PEX5L: variants seen among roughly 807,000 people sequenced by gnomAD.
PEX5L encodes the protein peroxisomal biogenesis factor 5 like, also known as PEX5-related protein.
Under a neutral mutation model 84.0 loss-of-function variants are expected in PEX5L, and 30 were observed. That is an observed-to-expected ratio of 0.36 (90% CI 0.27 to 0.48). The LOEUF is 0.48. Among genes scored for constraint, PEX5L ranks in the 20% least tolerant of loss-of-function variants. The pLI, the probability that PEX5L is intolerant of heterozygous loss-of-function variation, is 0.99. For missense variants in PEX5L, 533 were observed against 754.6 expected, an observed-to-expected ratio of 0.71 and a Z score of 3.44; for synonymous variants, 270 against 283.1, an observed-to-expected ratio of 0.95 and a Z score of 0.46.
intron 8 of PEX5L, among the ~76,000 whole-genome samples, chr3:179,837,231 GAACAAGTCTCATT>G (rs1285206275): frequency 5.9e-5 from 9 of 152,136 alleles, no homozygotes; most frequent in African/African-American, 2.2e-4. Flanking sequence ...AAATTTCAGG[GAACAAGTCTCATT>G]CCTTATATGT....
At chr3:179,887,956 TG>T (rs1756425916) in intron 3 of PEX5L, among the ~76,000 whole-genome samples, 172 bp from the exon 4 acceptor site, 1 of 152,154 alleles carries the variant, frequency 6.6e-6, no homozygotes, top group Non-Finnish European at 1.5e-5. Context: ...AGGTGGGGAA[TG>T]AGCCTTTTAG....
At chr3:180,011,279 A>G (rs191433718) in intron 1 of PEX5L, among the ~76,000 whole-genome samples, 2 of 152,362 alleles carry the variant, frequency 1.3e-5, no homozygotes, top group South Asian at 2.1e-4. Flanking sequence ...AAGTTCCTTC[A>G]TATCTTTTTG....
At chr3:179,891,537 G>A (rs2108897493) in intron 3 of PEX5L, among the ~76,000 whole-genome samples, 1 of 152,250 alleles carries the variant, frequency 6.6e-6, no homozygotes, top group South Asian at 2.1e-4. Flanking sequence ...AAGCTCTGAA[G>A]CCAGAGAATA....
chr3:179,811,665 T>C (rs1169078463), intron 11 of PEX5L, 136 bp downstream of exon 11: 1 of 699,502 alleles, frequency 1.4e-6, no homozygotes, highest in African/African-American at 1.7e-5. Flanking sequence ...GTGTGAGTGA[T>C]ATGCGGTATC....
intron 1 of PEX5L, among the ~76,000 whole-genome samples, chr3:180,012,304 C>T (rs993558580): frequency 3.9e-5 from 6 of 152,146 alleles, no homozygotes; most frequent in Non-Finnish European, 8.8e-5. Flanking sequence ...CGCTGTCTGT[C>T]AACCATGATC....
At chr3:179,948,481 G>C (rs569897324) in intron 2 of PEX5L, among the ~76,000 whole-genome samples, 9 of 152,226 alleles carry the variant, frequency 5.9e-5, no homozygotes, top group African/African-American at 2.2e-4. Flanking sequence ...GGCACTGACC[G>C]AGTTGTCATC....
chr3:179,996,187 G>A (rs1787874455), intron 1 of PEX5L, among the ~76,000 whole-genome samples: 1 of 152,134 alleles, frequency 6.6e-6, no homozygotes. Context: ...GCCCCAGCAG[G>A]GCCCTAGAGG....
chr3:179,852,877 A>T (rs1328697328), intron 8 of PEX5L, among the ~76,000 whole-genome samples: 1 of 152,210 alleles, frequency 6.6e-6, no homozygotes, highest in Admixed American at 6.5e-5. Context: ...TAGGGGGAAA[A>T]GTTCATCCTT....
chr3:179,804,752 T>C (rs80328705), intron 14 of PEX5L, among the ~76,000 whole-genome samples: 1 of 152,240 alleles, frequency 6.6e-6, no homozygotes, highest in Non-Finnish European at 1.5e-5. Context: ...TCTTTCTCTA[T>C]TGAGGGTTGT....
rs565215422 is a variant in PEX5L at position 179,797,017 on chromosome 3, T to TATC, written c.*4808_*4810dup. On this transcript the variant is annotated 3_prime_UTR_variant, in exon 15 of 15. Transcript: ENST00000467460. ...CCCAACCTCCTCGCCTTATTTAGAA[T>TATC]ATCAGTTTTTCTAATTTATTCCCAA... is the stretch of plus-strand genomic sequence containing the variant. 34 of 152,360 alleles carry TATC rather than the reference T, an allele frequency of 2.2e-4. No homozygotes were observed. Among genetic ancestry groups the TATC allele is most frequent in the African/African-American group, 7.0e-4 (29 of 41,596 alleles). 9.4% of individuals were successfully genotyped at this position (152,360 alleles called of 1,614,324 possible).
In PEX5L at chr3:180,021,653, A is replaced by C. The variant is rs554094628; in HGVS notation, c.21+14926T>G. Among the ~76,000 whole-genome samples the C allele has an allele frequency of 2.5e-3, 384 of 152,328 alleles. 2 individuals are homozygous for C. The highest frequency in any genetic ancestry group is 8.8e-3 in the African/African-American group (367 of 41,578). On this transcript the variant is annotated intron_variant, in intron 1 of 14. Coordinates refer to ENST00000467460, the MANE Select transcript of PEX5L (RefSeq NM_016559.3). Reference sequence around the variant, plus strand: ...TGGTGCTATTACACAATCCAGAAAAATAGGGGAAGAGGTAGGCCTTACGGA... The same window carrying C: ...TGGTGCTATTACACAATCCAGAAAACTAGGGGAAGAGGTAGGCCTTACGGA...
chr3:180,023,925 T>C (rs543686506), intron 1 of PEX5L, among the ~76,000 whole-genome samples: 2 of 148,594 alleles, frequency 1.3e-5, no homozygotes, highest in Admixed American at 6.6e-5. Flanking sequence ...GCCATGCCTA[T>C]GGTTGTGCAG....
At chr3:179,864,464 T>C (rs1227822526) in intron 7 of PEX5L, among the ~76,000 whole-genome samples, 2 of 152,088 alleles carry the variant, frequency 1.3e-5, no homozygotes, top group Non-Finnish European at 2.9e-5. Flanking sequence ...CTCACTTACA[T>C]GTGGAATCGA....
In PEX5L at chr3:180,034,641, G is replaced by A. The variant is rs116143029; in HGVS notation, c.21+1938C>T. 4.3e-3 allele frequency among the ~76,000 whole-genome samples: 649 copies of A among 152,196 alleles called. 11 individuals carry two copies. Among genetic ancestry groups the A allele is most frequent in the African/African-American group, 0.015 (613 of 41,524 alleles). On this transcript the variant is annotated intron_variant, in intron 1 of 14. Coordinates refer to ENST00000467460, the MANE Select transcript of PEX5L (RefSeq NM_016559.3). ...ACTAAACGTACCTACTAAGGCCTCG[G>A]AAGTTTTATGCTTAACATTAATGGT... is the stretch of plus-strand genomic sequence containing the variant.
chr3:179,828,244 C>A (rs572582843), intron 8 of PEX5L, among the ~76,000 whole-genome samples: 1 of 152,256 alleles, frequency 6.6e-6, no homozygotes, highest in East Asian at 1.9e-4. Context: ...CCCCTGGCAC[C>A]CACTGCAATA....
In PEX5L at chr3:179,837,128, G is replaced by A. The variant is rs147672834; in HGVS notation, c.823-17152C>T. Among the ~76,000 whole-genome samples, 316 of 152,154 alleles carry A rather than the reference G, an allele frequency of 2.1e-3. 8 individuals are homozygous for A. In the East Asian group the frequency reaches 0.05, roughly 24 times the overall value. ...AGACTGGACTGGATCCTAAATTCTAGTTTCTTTCAATATCTGGCTATAAAT... is the reference window on the plus strand; with the variant it reads ...AGACTGGACTGGATCCTAAATTCTAATTTCTTTCAATATCTGGCTATAAAT... On this transcript the variant is annotated intron_variant, in intron 8 of 14. Coordinates refer to ENST00000467460, the MANE Select transcript of PEX5L (RefSeq NM_016559.3).
At chr3:179,939,792 G>A (rs1485228099) in intron 2 of PEX5L, among the ~76,000 whole-genome samples, 3 of 152,184 alleles carry the variant, frequency 2.0e-5, no homozygotes, top group Non-Finnish European at 4.4e-5. Context: ...TGAATAGCCA[G>A]GTCTCCTTGG....
At chr3:179,923,305 A>C (rs1394819065) in intron 2 of PEX5L, among the ~76,000 whole-genome samples, 5 of 132,480 alleles carry the variant, frequency 3.8e-5, no homozygotes, top group Admixed American at 7.5e-5. Context: ...AAAAAAAAAA[A>C]AAAAAACACC....
chr3:179,850,437 T>A (rs1038012317), intron 8 of PEX5L, among the ~76,000 whole-genome samples: 2 of 152,190 alleles, frequency 1.3e-5, no homozygotes, highest in African/African-American at 4.8e-5. Flanking sequence ...TTATCTTGCC[T>A]TATACTTTTA....
Sources: allele counts gnomAD v4.1 joint callset (sites outside exome capture counted in the v4.1 genomes callset), GRCh38; gene constraint gnomAD v4.1.1; transcripts MANE v1.5; gene names NCBI Gene and HGNC (gene_info 2026-07-23, HGNC 2026-07-21).